The following MGAT4C variants were observed in gnomAD, a reference collection of about 807,000 sequenced individuals.
The protein encoded by MGAT4C is MGAT4 family member C.
In MGAT4C, 19 loss-of-function variants were observed where a neutral mutation model predicts 40.1. That is an observed-to-expected ratio of 0.47 (90% CI 0.33 to 0.70). MGAT4C has a LOEUF of 0.70. MGAT4C is among the 30% of genes least tolerant of loss of function. The pLI, the probability that MGAT4C is intolerant of heterozygous loss-of-function variation, is 0.02. For missense variants in MGAT4C, 491 were observed against 563.2 expected, an observed-to-expected ratio of 0.87 and a Z score of 1.30; for synonymous variants, 181 against 187.1, an observed-to-expected ratio of 0.97 and a Z score of 0.27.
chr12:86,682,832 TTCTC>T (rs138377406), intron 2 of MGAT4C, among the ~76,000 whole-genome samples: 4,735 of 152,242 alleles, frequency 0.031, 121 homozygotes, highest in African/African-American at 0.074. Flanking sequence ...GGATTCACTC[TTCTC>T]TCTAACTACA....
intron 4 of MGAT4C, among the ~76,000 whole-genome samples, chr12:86,262,225 G>C (rs1233164807): frequency 6.6e-6 from 1 of 151,968 alleles, no homozygotes; most frequent in Non-Finnish European, 1.5e-5. Context: ...CATATATCCA[G>C]ACAGTTGTTT....
chr12:85,976,901 T>G lies in MGAT4C; in HGVS notation c.*2388A>C, dbSNP rs1024992317. ...ATTTTCTTTTGAAAGAGAATAGTTA[T>G]TTTTCCTCCTGACCTCTAATGAAGA... is the stretch of plus-strand genomic sequence containing the variant. On this transcript the variant is annotated 3_prime_UTR_variant, in exon 5 of 5. Transcript: ENST00000611864. The G allele has an allele frequency of 2.8e-4, 43 of 151,082 alleles. No individual in the cohort carries two copies. Among genetic ancestry groups the G allele is most frequent in the African/African-American group, 1.0e-3 (43 of 41,438 alleles). The allele number at this position is 151,082 out of a possible 1,614,324, so 9.4% of individuals were successfully genotyped here. A position where few individuals can be genotyped will look rare whatever the true frequency, so the allele number is the denominator to read the frequency against.
At chr12:86,287,133 C>T (rs943768562) in intron 4 of MGAT4C, among the ~76,000 whole-genome samples, 9 of 151,870 alleles carry the variant, frequency 5.9e-5, no homozygotes, top group African/African-American at 2.2e-4. Flanking sequence ...ATGGTAGTTC[C>T]TCTTTGAGAT....
At chr12:86,743,086 GTGTA>G (rs1347127604) in intron 1 of MGAT4C, among the ~76,000 whole-genome samples, 9 of 148,488 alleles carry the variant, frequency 6.1e-5, no homozygotes, top group South Asian at 2.1e-4. Flanking sequence ...GTGTGTATGT[GTGTA>G]TGTGTGTGTA....
chr12:86,408,469 CTCTCTCTCTCTATATA>C (rs1055687565), intron 3 of MGAT4C, among the ~76,000 whole-genome samples: 1 of 109,370 alleles, frequency 9.1e-6, no homozygotes, highest in East Asian at 2.8e-4. Context: ...CTCTCTCTCT[CTCTCTCTCTCTATATA>C]TATATATATA....
At chr12:86,275,515 T>C (rs960541893) in intron 4 of MGAT4C, among the ~76,000 whole-genome samples, 1 of 152,162 alleles carries the variant, frequency 6.6e-6, no homozygotes, top group African/African-American at 2.4e-5. Context: ...ATATGTTACC[T>C]TACTTGGCAA....
chr12:86,158,983 A>G (rs1885288012), intron 1 of MGAT4C, among the ~76,000 whole-genome samples: 1 of 152,190 alleles, frequency 6.6e-6, no homozygotes, highest in African/African-American at 2.4e-5. Flanking sequence ...CTCAGCAAAG[A>G]GAGATAGTTT....
rs139038836 is a variant in MGAT4C, at chr12:86,502,330, G to A, written c.-228-67065C>T. On this transcript the variant is annotated intron_variant, in intron 2 of 7. Coordinates refer to the MGAT4C transcript ENST00000548651. Reference sequence around the variant, plus strand: ...GGAGACGGAAAAGGGATCAATGGTTGCCAGGGGGTTGGGGTGAAGGAAGAA... The same window carrying A: ...GGAGACGGAAAAGGGATCAATGGTTACCAGGGGGTTGGGGTGAAGGAAGAA... Among the ~76,000 whole-genome samples the A allele has an allele frequency of 8.9e-3, 1,348 of 152,120 alleles. 8 individuals carry two copies. The highest frequency in any genetic ancestry group is 0.017 in the Middle Eastern group (5 of 292).
intron 2 of MGAT4C, among the ~76,000 whole-genome samples, chr12:86,508,583 A>ATGGC (rs1277896040): frequency 6.6e-6 from 1 of 151,792 alleles, no homozygotes; most frequent in African/African-American, 2.4e-5. Flanking sequence ...CAGTAATGGG[A>ATGGC]TGGCTGGGTC....
At chr12:86,280,931 A>G (rs1405777890) in intron 4 of MGAT4C, among the ~76,000 whole-genome samples, 1 of 152,008 alleles carries the variant, frequency 6.6e-6, no homozygotes, top group Non-Finnish European at 1.5e-5. Flanking sequence ...CTCTTTGTTT[A>G]ATGATTATGG....
At chr12:86,164,445 T>C in intron 1 of MGAT4C, among the ~76,000 whole-genome samples, 1 of 152,220 alleles carries the variant, frequency 6.6e-6, no homozygotes. Flanking sequence ...CTGTGCACTC[T>C]GCCAAGCAAT....
chr12:86,610,360 T>A (rs753224656), intron 2 of MGAT4C, among the ~76,000 whole-genome samples: 43 of 152,218 alleles, frequency 2.8e-4, no homozygotes, highest in Non-Finnish European at 5.3e-4. Context: ...CTACAAGAGA[T>A]GCGTAGTCAA....
rs1480326151 is a variant in MGAT4C, at chr12:85,971,643, A to G, written c.*7646T>C. 1 of 151,246 alleles carries G rather than the reference A, an allele frequency of 6.6e-6. No individual in the cohort carries two copies. The highest frequency in any genetic ancestry group is 2.4e-5 in the African/African-American group (1 of 41,358). 9.4% of individuals were successfully genotyped at this position (151,246 alleles called of 1,614,324 possible). ...GTTCTAGTAAGTAAAAACACTAGAT[A>G]CGTACCAAAATTGTCTTTTGACCCT... is the stretch of plus-strand genomic sequence containing the variant. On this transcript the variant is annotated 3_prime_UTR_variant, in exon 5 of 5. Transcript: ENST00000611864.
At chr12:86,271,237 G>A (rs1220041158) in intron 4 of MGAT4C, among the ~76,000 whole-genome samples, 1 of 152,150 alleles carries the variant, frequency 6.6e-6, no homozygotes, top group Non-Finnish European at 1.5e-5. Context: ...TGTTGAATGA[G>A]AGAAAATATT....
intron 2 of MGAT4C, among the ~76,000 whole-genome samples, chr12:86,542,989 G>A (rs1362163207): frequency 1.3e-5 from 2 of 151,902 alleles, no homozygotes; most frequent in Non-Finnish European, 2.9e-5. Flanking sequence ...AATCATTAAA[G>A]CCTCCCATTA....
intron 2 of MGAT4C, among the ~76,000 whole-genome samples, chr12:86,598,522 A>G (rs1357049516): frequency 6.6e-6 from 1 of 152,106 alleles, no homozygotes; most frequent in Non-Finnish European, 1.5e-5. Flanking sequence ...CTAGTCTTTA[A>G]AACTTCAAAG....
chr12:86,263,933 T>G (rs1255203292), intron 4 of MGAT4C, among the ~76,000 whole-genome samples: 1 of 152,228 alleles, frequency 6.6e-6, no homozygotes, highest in African/African-American at 2.4e-5. Flanking sequence ...ATGTTGAGCA[T>G]TTTTTCATAT....
intron 2 of MGAT4C, among the ~76,000 whole-genome samples, chr12:86,605,821 CT>C (rs1962023291): frequency 6.6e-6 from 1 of 152,054 alleles, no homozygotes. Context: ...ATAGTATCCC[CT>C]GAGATCACAG....
At position 86,352,550 on chromosome 12, in the gene MGAT4C, A is replaced by C. The variant is rs1013411614; in HGVS notation, c.-119-18423T>G. Among the ~76,000 whole-genome samples, 3 of 152,120 alleles carry C rather than the reference A, an allele frequency of 2.0e-5. No individual in the cohort carries two copies. In the South Asian group the frequency reaches 6.2e-4, roughly 31 times the overall value. On this transcript the variant is annotated intron_variant, in intron 3 of 7. Coordinates refer to the MGAT4C transcript ENST00000548651. ...AACAATGTATCTTGGAAATCTTTCCATATCAGTACAAATTGTACTTCCTTA... is the reference window on the plus strand; with the variant it reads ...AACAATGTATCTTGGAAATCTTTCCCTATCAGTACAAATTGTACTTCCTTA...
Sources: allele counts gnomAD v4.1 joint callset (sites outside exome capture counted in the v4.1 genomes callset), GRCh38; gene constraint gnomAD v4.1.1; transcripts MANE v1.5; gene names NCBI Gene and HGNC (gene_info 2026-07-23, HGNC 2026-07-21).